Variants in TRPA1 observed in about 807,000 individuals in gnomAD.
The protein encoded by TRPA1 is ankyrin-like with transmembrane domains 1.
TRPA1 carries 129 observed loss-of-function variants against 131.3 expected under a neutral mutation model. That is an observed-to-expected ratio of 0.98 (90% CI 0.85 to 1.14). TRPA1 has a LOEUF of 1.14. TRPA1 is among the 50% of genes most tolerant of loss of function. TRPA1 has a pLI of 0.00. For missense variants in TRPA1, 1,304 were observed against 1,354.2 expected (o/e 0.96, Z 0.58); for synonymous variants, 441 against 451.7 (o/e 0.98, Z 0.30).
At chr8:72,055,073 T>C (rs1024760993) in intron 12 of TRPA1, 8 of 259,566 alleles carry the variant, frequency 3.1e-5, no homozygotes, top group Non-Finnish European at 5.9e-5. Flanking sequence ...CATACACACA[T>C]ACACAACCAC....
chr8:72,058,379 T>G (rs1805725527), intron 8 of TRPA1, among the ~76,000 whole-genome samples: 2 of 152,220 alleles, frequency 1.3e-5, no homozygotes, highest in South Asian at 4.1e-4. Flanking sequence ...TTTAAATGAA[T>G]AAGTCAATGT....
chr8:72,047,617 A>T (rs1805369990), intron 15 of TRPA1, among the ~76,000 whole-genome samples: 1 of 152,148 alleles, frequency 6.6e-6, no homozygotes, highest in Non-Finnish European at 1.5e-5. Flanking sequence ...GAGCACCCAC[A>T]TATTTCCATA....
chr8:72,037,997 G>T lies in TRPA1; in HGVS notation c.2371C>A (p.Gln791Lys). Residue 791 changes from glutamine (Q) to lysine (K), a missense_variant, in exon 20 of 27, where the codon CAA (glutamine) becomes AAA (lysine). Coordinates refer to ENST00000262209, the MANE Select transcript of TRPA1 (RefSeq NM_007332.3). The stretch of plus-strand genomic sequence containing the variant: ...GTATTACATACCTGTTGGAAAATTT[G>T]CCCCGCTTCTTTGCAATACCCAAAT... ...SIFGYCKEAG[Q>K]IFQQKRNYFM... The T allele has an allele frequency of 6.3e-7, 1 of 1,598,118 alleles. No individual in the cohort carries two copies. The highest frequency in any genetic ancestry group is 1.1e-5 in the South Asian group (1 of 90,532).
the TRPA1 span, among the ~76,000 whole-genome samples, chr8:72,084,599 T>C: frequency 6.6e-6 from 1 of 151,800 alleles, no homozygotes; most frequent in East Asian, 1.9e-4. Context: ...TCTTACTTTA[T>C]TTATTTTGTC....
chr8:72,066,085 T>G (rs1190384962), intron 3 of TRPA1, among the ~76,000 whole-genome samples: 3 of 152,190 alleles, frequency 2.0e-5, no homozygotes, highest in Non-Finnish European at 1.5e-5. Flanking sequence ...CAGTGGACAC[T>G]CTATTCTCTT....
intron 15 of TRPA1, among the ~76,000 whole-genome samples, chr8:72,048,875 G>A (rs117147070): frequency 6.6e-6 from 1 of 152,048 alleles, no homozygotes; most frequent in African/African-American, 2.4e-5. Flanking sequence ...TGTTTACTAT[G>A]TTTCCACATG....
At chr8:72,058,220 A>G (rs1485783852) in intron 8 of TRPA1, among the ~76,000 whole-genome samples, 2 of 152,188 alleles carry the variant, frequency 1.3e-5, no homozygotes, top group African/African-American at 2.4e-5. Flanking sequence ...CATTTACAAA[A>G]CACCATTCAC....
the TRPA1 span, among the ~76,000 whole-genome samples, chr8:72,088,132 G>C: frequency 6.6e-6 from 1 of 152,300 alleles, no homozygotes; most frequent in African/African-American, 2.4e-5. Context: ...TCTGATGAAT[G>C]CTTGAAGCTG....
Position 72,052,682 on chromosome 8 carries a change from C to T in TRPA1, c.1728G>A (p.Leu576=). ...LLLSHNADIV[L]NKQQASFLHL... The stretch of plus-strand genomic sequence containing the variant: ...GCAAAAAGGAGGCCTGCTGCTTGTT[C>T]AGGACTATGTCAGCATTGTGGCTCA... Residue 576 remains leucine (L), a synonymous_variant, in exon 14 of 27, where the codon CTG becomes CTA. Transcript: ENST00000262209. The T allele has an allele frequency of 6.2e-7, 1 of 1,613,812 alleles. No homozygotes were observed. The highest frequency in any genetic ancestry group is 8.5e-7 in the Non-Finnish European group (1 of 1,179,854).
rs192958260 is a variant in TRPA1 at position 72,067,568 on chromosome 8, C to T, written c.444+1455G>A. On this transcript the variant is annotated intron_variant, in intron 3 of 26. Transcript: ENST00000262209. Reference sequence around the variant, plus strand: ...TTTCTGCTTTCTAATTAACAATAGTCTTTCAACAGTTACCTATCTTCAATT... The same window carrying T: ...TTTCTGCTTTCTAATTAACAATAGTTTTTCAACAGTTACCTATCTTCAATT... Among the ~76,000 whole-genome samples, 31 of 152,258 alleles carry T rather than the reference C, an allele frequency of 2.0e-4. 2 individuals carry two copies. The East Asian group carries it at 3.5e-3, about 17-fold the overall frequency.
intron 4 of TRPA1, 82 bp downstream of exon 4, chr8:72,065,369 A>G (rs943699123): frequency 8.0e-7 from 1 of 1,253,884 alleles, no homozygotes; most frequent in African/African-American, 1.5e-5. Flanking sequence ...AGAAAAACTT[A>G]AGAGATTTTG....
chr8:72,051,112 T>A (rs543236040), intron 14 of TRPA1, among the ~76,000 whole-genome samples: 5 of 152,316 alleles, frequency 3.3e-5, no homozygotes, highest in East Asian at 3.9e-4. Context: ...ATTATAATCA[T>A]TGTTCTGTCT....
intron 24 of TRPA1, among the ~76,000 whole-genome samples, chr8:72,028,025 G>A (rs1811669427): frequency 6.6e-6 from 1 of 152,022 alleles, no homozygotes; most frequent in African/African-American, 2.4e-5. Flanking sequence ...AGCTGTTAGG[G>A]CAGTTATGAG....
At chr8:72,065,357 G>A (rs1805905658) in intron 4 of TRPA1, 94 bp downstream of exon 4, 1 of 1,167,406 alleles carries the variant, frequency 8.6e-7, no homozygotes, top group Non-Finnish European at 1.2e-6. Context: ...ATTTTTCTAA[G>A]GAGAAAAACT....
chr8:72,034,353 A>G lies in TRPA1; in HGVS notation c.2580T>C (p.Ile860=). The change falls in exon 22 of 27, where the codon ATT becomes ATC. Residue 860 remains isoleucine, a synonymous_variant. Transcript: ENST00000262209. ...TTTTCAAAATTACCTCCAACATAAC[A>G]ATAAAAATTCCACAATTTTCAAATC... The part of the protein sequence containing the change: ...LQRFENCGIF[I]VMLEVILKTL... 6.5e-7 allele frequency: 1 copy of G among 1,540,352 alleles called. No individual in the cohort carries two copies. Among genetic ancestry groups the G allele is most frequent in the Non-Finnish European group, 8.9e-7 (1 of 1,125,964 alleles).
At chr8:72,039,089 C>T (rs1812157669) in intron 18 of TRPA1, 62 bp from the exon 19 acceptor site, 3 of 1,557,142 alleles carry the variant, frequency 1.9e-6, no homozygotes, top group East Asian at 2.2e-5. Flanking sequence ...ACTTAAGATA[C>T]CTGGGGAAAA....
At chr8:72,047,104 TATAAC>T (rs765081425) in intron 16 of TRPA1, 39 bp downstream of exon 16, 3 of 1,403,628 alleles carry the variant, frequency 2.1e-6, no homozygotes, top group South Asian at 1.2e-5. Context: ...TTCAAAGAAT[TATAAC>T]AAAATAAATT....
intron 25 of TRPA1, among the ~76,000 whole-genome samples, chr8:72,024,247 T>C (rs952143874): frequency 2.0e-5 from 3 of 152,238 alleles, no homozygotes; most frequent in Non-Finnish European, 4.4e-5. Context: ...ACGAGATTCA[T>C]TGTTAATTAT....
At position 72,038,928 on chromosome 8, in the gene TRPA1, C is replaced by T. The variant is rs748837134; in HGVS notation, c.2232G>A (p.Met744Ile). Residue 744 changes from methionine to isoleucine, a missense_variant, in exon 19 of 27, where the codon ATG becomes ATA. Met to Ile is a conservative substitution (Grantham distance 10). Transcript: ENST00000262209. ...TILVVNIKPG[M>I]AFNSTGIINE... The stretch of plus-strand genomic sequence containing the variant: ...TGATGATGCCAGTTGAGTTGAAAGC[C>T]ATTCCTGGTTTTATATTGACAACGA... 6.2e-7 allele frequency: 1 copy of T among 1,612,918 alleles called. No individual in the cohort carries two copies. Among genetic ancestry groups the T allele is most frequent in the East Asian group, 2.2e-5 (1 of 44,774 alleles).
Sources: gnomAD v4.1 joint callset for allele counts (sites outside exome capture counted in the v4.1 genomes callset) on GRCh38, gnomAD v4.1.1 for gene constraint, MANE v1.5 for transcripts, NCBI Gene and HGNC (gene_info 2026-07-23, HGNC 2026-07-21) for gene names.